The following XXYLT1 variants were observed in gnomAD, a reference collection of about 807,000 sequenced individuals.
XXYLT1 encodes the protein xyloside xylosyltransferase 1, also known as UDP-xylose:alpha-xyloside alpha-1,3-xylosyltransferase.
In XXYLT1, 20 loss-of-function variants were observed where a neutral mutation model predicts 28.9. The ratio of observed to expected loss-of-function variants is 0.69; its 90% confidence interval spans 0.49 to 1.00. The LOEUF (loss-of-function observed/expected upper bound fraction) is 1.00. Among genes scored for constraint, XXYLT1 ranks in the 50% least tolerant of loss-of-function variants. XXYLT1 has a pLI of 0.00. For synonymous variants in XXYLT1, 257 were observed against 253.8 expected, an observed-to-expected ratio of 1.01 and a Z score of -0.12; for missense variants, 542 against 560.1, an observed-to-expected ratio of 0.97 and a Z score of 0.33.
chr3:195,069,995 C>T lies in XXYLT1; in HGVS notation c.902G>A (p.Arg301His), dbSNP rs779456915. The change falls in exon 4 of 4, where the codon CGC becomes CAC. Residue 301 changes from arginine (R) to histidine (H), a missense_variant. Arg to His is a conservative substitution (Grantham distance 29). Coordinates refer to ENST00000310380, the MANE Select transcript of XXYLT1 (RefSeq NM_152531.5). ...CAGGCGGCTGTAGAGCGGGGACTGG[C>T]GCATGGCCTCCAGGTTCAGCAACAT... ...GVMLLNLEAM[R>H]QSPLYSRLLE... is the part of the protein sequence containing the mutation. 3 of 1,607,644 alleles carry T rather than the reference C, an allele frequency of 1.9e-6. No individual in the cohort carries two copies. The highest frequency in any genetic ancestry group is 1.3e-5 in the African/African-American group (1 of 75,042).
At chr3:195,172,899 G>A (rs1486971119) in intron 2 of XXYLT1, among the ~76,000 whole-genome samples, 1 of 152,214 alleles carries the variant, frequency 6.6e-6, no homozygotes, top group African/African-American at 2.4e-5. Context: ...GCGGGGAGGA[G>A]AACCAGTGGA....
chr3:195,158,304 C>G (rs564956568), intron 2 of XXYLT1, among the ~76,000 whole-genome samples: 4 of 152,164 alleles, frequency 2.6e-5, no homozygotes, highest in African/African-American at 9.7e-5. Flanking sequence ...CATGGCCACC[C>G]GCGTACCTGT....
intron 1 of XXYLT1, among the ~76,000 whole-genome samples, chr3:195,236,725 C>G (rs1004013306): frequency 1.2e-4 from 19 of 152,092 alleles, no homozygotes; most frequent in Non-Finnish European, 4.4e-5. Flanking sequence ...CAGCAGGTCT[C>G]AGAGTCTCAC....
chr3:195,179,559 G>A (rs147492761), intron 2 of XXYLT1, among the ~76,000 whole-genome samples: 88 of 152,126 alleles, frequency 5.8e-4, no homozygotes, highest in African/African-American at 1.9e-3. Flanking sequence ...AGAATCAGTC[G>A]GCTGAAGAGG....
At chr3:195,113,764 G>GTGTGGCCAGGAGAAAGGGT (rs879488187) in intron 3 of XXYLT1, among the ~76,000 whole-genome samples, 1 of 152,154 alleles carries the variant, frequency 6.6e-6, no homozygotes, top group Non-Finnish European at 1.5e-5. Context: ...GCGGAAAGGG[G>GTGTGGCCAGGAGAAAGGGT]TGTGGCCAGG....
At chr3:195,213,826 ACCC>A (rs1487549969) in intron 2 of XXYLT1, among the ~76,000 whole-genome samples, 3 of 151,852 alleles carry the variant, frequency 2.0e-5, no homozygotes, top group Non-Finnish European at 4.4e-5. Context: ...CCTCCCCACC[ACCC>A]CGGTGAGGCC....
intron 3 of XXYLT1, among the ~76,000 whole-genome samples, chr3:195,131,584 C>T (rs1454377518): frequency 6.6e-6 from 1 of 152,196 alleles, no homozygotes; most frequent in Non-Finnish European, 1.5e-5. Flanking sequence ...GCTCTCTTTC[C>T]TCCACTGTGG....
At chr3:195,253,585 G>A (rs1022595421) in intron 1 of XXYLT1, among the ~76,000 whole-genome samples, 3 of 142,024 alleles carry the variant, frequency 2.1e-5, no homozygotes, top group African/African-American at 5.4e-5. Flanking sequence ...TGCAACCTCC[G>A]CCTCCTGGGT....
intron 2 of XXYLT1, among the ~76,000 whole-genome samples, chr3:195,178,266 C>T (rs1289107256): frequency 6.6e-6 from 1 of 152,128 alleles, no homozygotes; most frequent in Non-Finnish European, 1.5e-5. Flanking sequence ...ACCATGTAAG[C>T]CCCTGCCCAC....
chr3:195,223,878 C>T (rs958168233), intron 2 of XXYLT1, among the ~76,000 whole-genome samples: 3 of 152,110 alleles, frequency 2.0e-5, no homozygotes, highest in Admixed American at 6.6e-5. Context: ...GAATTGCTGC[C>T]GGGCGCGGTG....
At chr3:195,222,153 T>C (rs1723855448) in intron 2 of XXYLT1, among the ~76,000 whole-genome samples, 1 of 152,186 alleles carries the variant, frequency 6.6e-6, no homozygotes, top group East Asian at 1.9e-4. Flanking sequence ...TGCCAAGTCC[T>C]GTAAGTTTCA....
rs142698967 is a variant in XXYLT1 at position 195,195,078 on chromosome 3, GT to G, written c.652+31630del. ...ATAAACTGTACCTCAACAAAGCTGG[GT>G]TTTTTTTTTAAAAGGACAATGTACA... is the stretch of plus-strand genomic sequence containing the variant. On this transcript the variant is annotated intron_variant, in intron 2 of 3. Coordinates refer to ENST00000310380, the MANE Select transcript of XXYLT1 (RefSeq NM_152531.5). This position sits in a 1 kb window ranked among gnomAD's most constrained non-coding sequence, Gnocchi z 4.4. Among the ~76,000 whole-genome samples, 240 of 146,162 alleles carry G rather than the reference GT, an allele frequency of 1.6e-3. 1 individual carries two copies. The highest frequency in any genetic ancestry group is 3.4e-3 in the Middle Eastern group (1 of 290).
chr3:195,265,857 G>A (rs1178882509), intron 1 of XXYLT1, among the ~76,000 whole-genome samples: 1 of 152,140 alleles, frequency 6.6e-6, no homozygotes, highest in Non-Finnish European at 1.5e-5. Context: ...GTGGCTTCAC[G>A]AAGCCCCCAT....
chr3:195,200,886 TCA>T (rs1333746749), intron 2 of XXYLT1, among the ~76,000 whole-genome samples: 1 of 152,128 alleles, frequency 6.6e-6, no homozygotes, highest in African/African-American at 2.4e-5. Flanking sequence ...CCCTCAGGTC[TCA>T]GTCTCCCCAC....
intron 3 of XXYLT1, chr3:195,087,258 T>G (rs1715785562): frequency 6.6e-6 from 1 of 152,404 alleles, no homozygotes; most frequent in South Asian, 2.1e-4. Context: ...TCTTCCCGTT[T>G]GTACCCACTC....
chr3:195,179,169 G>A (rs1044080127), intron 2 of XXYLT1, among the ~76,000 whole-genome samples: 1 of 151,886 alleles, frequency 6.6e-6, no homozygotes, highest in African/African-American at 2.4e-5. Context: ...GTGAAACCCC[G>A]TCTCTACTAA....
intron 2 of XXYLT1, among the ~76,000 whole-genome samples, chr3:195,177,818 C>T (rs1721744684): frequency 1.3e-5 from 2 of 151,584 alleles, no homozygotes; most frequent in Non-Finnish European, 2.9e-5. Flanking sequence ...GCCTGTAGTC[C>T]CAGCTACTCA....
intron 2 of XXYLT1, among the ~76,000 whole-genome samples, chr3:195,221,745 T>G (rs78538828): frequency 1.8e-5 from 2 of 112,808 alleles, no homozygotes; most frequent in Admixed American, 8.5e-5. Flanking sequence ...GCAAAAAATG[T>G]TTTTTTTTTT....
intron 2 of XXYLT1, among the ~76,000 whole-genome samples, chr3:195,177,772 A>AAAAAAAT (rs1721741691): frequency 6.6e-6 from 1 of 151,970 alleles, no homozygotes; most frequent in African/African-American, 2.4e-5. Flanking sequence ...CAAAAAAAAT[A>AAAAAAAT]AAAAAATAAA....
Sources: gnomAD v4.1 joint callset for allele counts (sites outside exome capture counted in the v4.1 genomes callset) on GRCh38, gnomAD v4.1.1 for gene constraint, Gnocchi (gnomAD v3.1) non-coding constraint, MANE v1.5 for transcripts, NCBI Gene and HGNC (gene_info 2026-07-23, HGNC 2026-07-21) for gene names.